The following FRMD6 variants were observed in gnomAD, a reference collection of about 807,000 sequenced individuals.
The protein encoded by FRMD6 is FERM domain-containing protein 6.
Under a neutral mutation model 73.2 loss-of-function variants are expected in FRMD6, and 37 were observed. The observed-to-expected ratio is 0.51, with a 90% CI of 0.39 to 0.66. The LOEUF (loss-of-function observed/expected upper bound fraction) is 0.66, where lower values mean the gene tolerates loss of function less well. Among genes scored for constraint, FRMD6 ranks in the 30% least tolerant of loss-of-function variants. The pLI is 0.00. For missense variants in FRMD6, 714 were observed against 780.5 expected, an observed-to-expected ratio of 0.91 and a Z score of 1.02; for synonymous variants, 273 against 282.2, an observed-to-expected ratio of 0.97 and a Z score of 0.33.
At chr14:51,440,478 G>A in the FRMD6 span, among the ~76,000 whole-genome samples, 1 of 152,186 alleles carries the variant, frequency 6.6e-6, no homozygotes, top group Non-Finnish European at 1.5e-5. Context: ...TCAGAGTAGT[G>A]TGCTGGACCA....
At chr14:51,499,636 G>A (rs1014404393) in intron 1 of FRMD6, among the ~76,000 whole-genome samples, 3 of 152,222 alleles carry the variant, frequency 2.0e-5, no homozygotes, top group Admixed American at 6.5e-5. Flanking sequence ...CTGTCCCACA[G>A]CTGTCTACAT....
intron 2 of FRMD6, among the ~76,000 whole-genome samples, chr14:51,645,293 T>G (rs192533669): frequency 6.6e-6 from 1 of 152,152 alleles, no homozygotes; most frequent in Non-Finnish European, 1.5e-5. Flanking sequence ...TCCAACCAGT[T>G]AGTATAGCTA....
chr14:51,503,726 G>T (rs1217984382), intron 1 of FRMD6, among the ~76,000 whole-genome samples: 18 of 150,630 alleles, frequency 1.2e-4, no homozygotes, highest in African/African-American at 4.4e-4. Context: ...TCAGGATGAT[G>T]CTGGCTTCAT....
chr14:51,689,095 C>G (rs1895370901), intron 1 of FRMD6, among the ~76,000 whole-genome samples: 1 of 152,028 alleles, frequency 6.6e-6, no homozygotes, highest in Non-Finnish European at 1.5e-5. Flanking sequence ...GCAGGAGAGA[C>G]AGAGCTATAA....
chr14:51,412,431 G>A, the FRMD6 span, among the ~76,000 whole-genome samples: 1 of 151,966 alleles, frequency 6.6e-6, no homozygotes, highest in African/African-American at 2.4e-5. Flanking sequence ...GATTTTGAGA[G>A]CTCCAAATAT....
chr14:51,690,348 A>G (rs1895464178), intron 2 of FRMD6, among the ~76,000 whole-genome samples: 1 of 152,276 alleles, frequency 6.6e-6, no homozygotes, highest in South Asian at 2.1e-4. Flanking sequence ...ATCAAAGACT[A>G]CAATTACTTT....
At chr14:51,566,982 C>T (rs774960244) in intron 1 of FRMD6, among the ~76,000 whole-genome samples, 6 of 152,074 alleles carry the variant, frequency 3.9e-5, no homozygotes, top group Non-Finnish European at 7.4e-5. Context: ...CTCAAATGCC[C>T]ACAAGAGCCA....
At chr14:51,575,056 T>C (rs1296808835) in intron 2 of FRMD6, among the ~76,000 whole-genome samples, 1 of 152,188 alleles carries the variant, frequency 6.6e-6, no homozygotes, top group Non-Finnish European at 1.5e-5. Flanking sequence ...AGTTTGGCCT[T>C]TTTTATCACA....
intron 3 of FRMD6, among the ~76,000 whole-genome samples, chr14:51,700,102 C>T (rs10131313): frequency 0.28 from 41,999 of 151,684 alleles, 6,083 homozygotes; most frequent in African/African-American, 0.36. Flanking sequence ...AAAGTGTGCA[C>T]ATCTTTGGAG....
At chr14:51,676,185 A>G (rs531918960) in intron 1 of FRMD6, among the ~76,000 whole-genome samples, 23 of 152,254 alleles carry the variant, frequency 1.5e-4, no homozygotes, top group Admixed American at 1.4e-3. Flanking sequence ...TGGCCAGCAC[A>G]TTCTCTCAAA....
At chr14:51,539,159 A>C (rs1336656197) in intron 1 of FRMD6, among the ~76,000 whole-genome samples, 4 of 151,812 alleles carry the variant, frequency 2.6e-5, no homozygotes, top group Non-Finnish European at 5.9e-5. Flanking sequence ...TCTCTAACAC[A>C]CTAAGCTCCC....
chr14:51,717,379 G>A (rs28693577), intron 10 of FRMD6: 22,424 of 152,000 alleles, frequency 0.15, 1,916 homozygotes, highest in East Asian at 0.34. Flanking sequence ...GCCAAACTCC[G>A]CCTCTCATAA....
intron 11 of FRMD6, among the ~76,000 whole-genome samples, chr14:51,720,903 A>T (rs1897521225): frequency 6.6e-6 from 1 of 152,260 alleles, no homozygotes; most frequent in Non-Finnish European, 1.5e-5. Context: ...AACTTACTGC[A>T]TGTTAAGGAG....
chr14:51,649,033 T>G (rs1343059254), upstream of FRMD6, among the ~76,000 whole-genome samples: 2 of 152,204 alleles, frequency 1.3e-5, no homozygotes, highest in African/African-American at 4.8e-5. Flanking sequence ...ACCCACACAG[T>G]TGCATTCTTT....
intron 1 of FRMD6, among the ~76,000 whole-genome samples, chr14:51,550,356 C>G (rs1469494940): frequency 6.6e-6 from 1 of 152,198 alleles, no homozygotes; most frequent in Non-Finnish European, 1.5e-5. Context: ...TCTCCCACCT[C>G]AGCCTCCCAA....
At chr14:51,399,470 G>T in the FRMD6 span, among the ~76,000 whole-genome samples, 5 of 152,102 alleles carry the variant, frequency 3.3e-5, no homozygotes, top group African/African-American at 7.2e-5. Context: ...GATTAAATTT[G>T]GGATATATCA....
At chr14:51,591,303 A>AG (rs1889378283) in intron 2 of FRMD6, among the ~76,000 whole-genome samples, 1 of 151,904 alleles carries the variant, frequency 6.6e-6, no homozygotes, top group Admixed American at 6.5e-5. Flanking sequence ...ACAAAAAAAA[A>AG]CTTTACATTA....
the FRMD6 span, among the ~76,000 whole-genome samples, chr14:51,417,837 G>A: frequency 1.3e-5 from 2 of 152,198 alleles, no homozygotes; most frequent in African/African-American, 4.8e-5. Context: ...TTTCTTGGAG[G>A]CTTTGTTCAT....
intron 1 of FRMD6, among the ~76,000 whole-genome samples, chr14:51,498,860 T>C (rs1159178809): frequency 2.0e-5 from 3 of 152,222 alleles, no homozygotes; most frequent in East Asian, 3.8e-4. Flanking sequence ...CTAGATCTCA[T>C]AGGTATTTTA....
Sources: allele counts gnomAD v4.1 joint callset (sites outside exome capture counted in the v4.1 genomes callset), GRCh38; gene constraint gnomAD v4.1.1; transcripts MANE v1.5; gene names NCBI Gene and HGNC (gene_info 2026-07-23, HGNC 2026-07-21).